CACNG7: variants seen among roughly 807,000 people sequenced by gnomAD.
CACNG7 encodes voltage-dependent calcium channel gamma-7 subunit.
CACNG7 carries 9 observed loss-of-function variants against 26.3 expected under a neutral mutation model. The ratio of observed to expected loss-of-function variants is 0.34; its 90% CI spans 0.21 to 0.60. The LOEUF (loss-of-function observed/expected upper bound fraction) is 0.60. Among genes scored for constraint, CACNG7 ranks in the 20% least tolerant of loss-of-function variants. The pLI, the probability that CACNG7 is intolerant of heterozygous loss-of-function variation, is 0.81. For missense variants in CACNG7, 297 were observed against 380.4 expected, an observed-to-expected ratio of 0.78 and a Z score of 1.82; for synonymous variants, 170 against 157.0, an observed-to-expected ratio of 1.08 and a Z score of -0.62.
Position 53,942,552 on chromosome 19 carries a change from C to A in CACNG7, c.*259C>A. The A allele has an allele frequency of 7.2e-7, 1 of 1,382,258 alleles. No homozygotes were observed. The highest frequency in any genetic ancestry group is 9.3e-7 in the Non-Finnish European group (1 of 1,071,346). 85.6% of individuals were successfully genotyped at this position (1,382,258 alleles called of 1,614,324 possible). A position where few individuals can be genotyped will look rare whatever the true frequency, so the allele number is the denominator to read the frequency against. On this transcript the variant is annotated 3_prime_UTR_variant, in exon 6 of 6. Coordinates refer to ENST00000391767, the MANE Select transcript of CACNG7 (RefSeq NM_031896.5). This position sits in a 1 kb window ranked among gnomAD's most constrained non-coding sequence, Gnocchi z 5.9. Reference sequence around the variant, plus strand: ...TGACTCCTCCCCTTCGTTGGCCCGCCCCTTTCCTCTGGCCCCTCCTCTCCA... The same window carrying A: ...TGACTCCTCCCCTTCGTTGGCCCGCACCTTTCCTCTGGCCCCTCCTCTCCA...
intron 4 of CACNG7, among the ~76,000 whole-genome samples, chr19:53,929,647 G>A (rs2069058153): frequency 6.6e-6 from 1 of 152,002 alleles, no homozygotes; most frequent in Non-Finnish European, 1.5e-5. Flanking sequence ...AGTAGACAGA[G>A]GGTTTCACCA....
intron 4 of CACNG7, among the ~76,000 whole-genome samples, chr19:53,936,631 C>A (rs190374841): frequency 6.6e-6 from 1 of 152,056 alleles, no homozygotes; most frequent in African/African-American, 2.4e-5. Flanking sequence ...TTTTTTGAGA[C>A]GGAGTCTCAC....
At chr19:53,919,863 G>C (rs1372136473) in intron 4 of CACNG7, among the ~76,000 whole-genome samples, 2 of 142,152 alleles carry the variant, frequency 1.4e-5, no homozygotes, top group East Asian at 4.3e-4. Flanking sequence ...CTGGTCATTG[G>C]TGGACTTGCC....
chr19:53,914,278 A>AAAAAAAG (rs1568769952), intron 2 of CACNG7, among the ~76,000 whole-genome samples: 1 of 138,892 alleles, frequency 7.2e-6, no homozygotes, highest in East Asian at 2.0e-4. Flanking sequence ...CATCTCAAAA[A>AAAAAAAG]AAAAAAAAAG....
intron 4 of CACNG7, among the ~76,000 whole-genome samples, chr19:53,923,954 C>T (rs2068994401): frequency 7.6e-6 from 1 of 131,772 alleles, no homozygotes; most frequent in African/African-American, 3.1e-5. Flanking sequence ...GTGGAGTTGT[C>T]CCCAGGTCTG....
rs905222851 is a variant in CACNG7, at chr19:53,909,550, A to C, written c.-30+33A>C. On this transcript the variant is annotated intron_variant, in intron 1 of 5. Transcript: ENST00000391767. This position sits in a 1 kb window ranked among gnomAD's most constrained non-coding sequence, Gnocchi z 5.1. ...CTAGCGGAGGGTCCTGGGAGGAAGA[A>C]GGGGCGCCCCTCGAGGTGGCTGCGA... The C allele has an allele frequency of 6.6e-6, 1 of 152,498 alleles. No individual in the cohort carries two copies. The highest frequency in any genetic ancestry group is 1.5e-5 in the Non-Finnish European group (1 of 68,242). The allele number at this position is 152,498 out of a possible 1,614,324, so 9.4% of individuals were successfully genotyped here.
intron 4 of CACNG7, among the ~76,000 whole-genome samples, chr19:53,935,933 G>A (rs1261661752): frequency 2.6e-5 from 4 of 151,932 alleles, no homozygotes; most frequent in Admixed American, 2.0e-4. Flanking sequence ...GAACCACCAC[G>A]CCTGGCCTAA....
intron 4 of CACNG7, among the ~76,000 whole-genome samples, chr19:53,922,883 GCTGGTCATTGGTGGAGTTGCCCCAGGC>G (rs1373058192): frequency 2.7e-4 from 20 of 74,394 alleles, no homozygotes; most frequent in African/African-American, 5.6e-4. Context: ...GTTGACTCAG[GCTGGTCATTGGTGGAGTTGCCCCAGGC>G]CTGGTCATTG....
At chr19:53,930,766 A>G (rs757288269) in intron 4 of CACNG7, among the ~76,000 whole-genome samples, 13 of 152,066 alleles carry the variant, frequency 8.5e-5, no homozygotes, top group Non-Finnish European at 1.8e-4. Context: ...CAGCCTCCCA[A>G]AGTGTTGGGA....
chr19:53,924,238 G>C (rs1169176921), intron 4 of CACNG7, among the ~76,000 whole-genome samples: 1 of 149,354 alleles, frequency 6.7e-6, no homozygotes, highest in Non-Finnish European at 1.5e-5. Flanking sequence ...CCCCAGGTCT[G>C]GTCATTGGTG....
intron 4 of CACNG7, among the ~76,000 whole-genome samples, chr19:53,916,912 C>G (rs555927909): frequency 6.6e-6 from 1 of 151,848 alleles, no homozygotes; most frequent in South Asian, 2.1e-4. Context: ...ATTCTCCTGT[C>G]TCACCTTCCC....
chr19:53,943,447 GCA>G lies in CACNG7; in HGVS notation c.*1157_*1158del, dbSNP rs1381578104. ...TTATTAGGGAAAGAGGGGCGAGGTA[GCA>G]CAGTGCTGTACACGGAACCAGAATG... is the stretch of plus-strand genomic sequence containing the variant. On this transcript the variant is annotated 3_prime_UTR_variant, in exon 6 of 6. Transcript: ENST00000391767. 2.1e-5 allele frequency: 3 copies of G among 145,124 alleles called. No homozygotes were observed. In the East Asian group the frequency reaches 6.7e-4, roughly 32 times the overall value. 9.0% of individuals were successfully genotyped at this position (145,124 alleles called of 1,614,324 possible). A position where few individuals can be genotyped will look rare whatever the true frequency, so the allele number is the denominator to read the frequency against.
intron 4 of CACNG7, among the ~76,000 whole-genome samples, chr19:53,932,056 C>T (rs183712971): frequency 0.012 from 1,805 of 151,282 alleles, 41 homozygotes; most frequent in African/African-American, 0.041. Context: ...CCACTGTGCC[C>T]GGCCAGCACT....
intron 3 of CACNG7, among the ~76,000 whole-genome samples, chr19:53,915,014 AAATAAAT>A (rs1462452558): frequency 6.8e-6 from 1 of 147,616 alleles, no homozygotes; most frequent in African/African-American, 2.5e-5. Context: ...TCAAAAAAAA[AAATAAAT>A]AAAAGGAAGG....
chr19:53,926,984 A>G (rs2069035890), intron 4 of CACNG7, among the ~76,000 whole-genome samples: 2 of 151,886 alleles, frequency 1.3e-5, no homozygotes, highest in South Asian at 2.1e-4. Flanking sequence ...TTTTTGAGAC[A>G]GAGTCTTGCT....
intron 4 of CACNG7, among the ~76,000 whole-genome samples, chr19:53,923,671 T>C (rs868190277): frequency 6.2e-3 from 878 of 141,010 alleles, no homozygotes; most frequent in African/African-American, 0.023. Context: ...GGTCTGGTCA[T>C]TGGTGGAGTT....
Position 53,941,633 on chromosome 19 carries a change from T to C in CACNG7, c.570+18T>C, listed in dbSNP as rs746925804. On this transcript the variant is annotated intron_variant, in intron 5 of 5. Transcript: ENST00000391767. ...TCAAAGAGGTGACGTCCGTGGGACC[T>C]AGACTCTAGAGTTCTGAATGGAGAG... The C allele has an allele frequency of 2.5e-6, 4 of 1,608,244 alleles. No individual in the cohort carries two copies. The Admixed American group carries it at 5.2e-5, about 21-fold the overall frequency.
chr19:53,934,981 GTCTC>G (rs1030502260), intron 4 of CACNG7, among the ~76,000 whole-genome samples: 4 of 151,018 alleles, frequency 2.6e-5, no homozygotes, highest in African/African-American at 9.8e-5. Context: ...TTGCCTTTCT[GTCTC>G]TCTCTCTCTC....
chr19:53,936,414 G>A (rs1307264496), intron 4 of CACNG7, among the ~76,000 whole-genome samples: 2 of 152,164 alleles, frequency 1.3e-5, no homozygotes, highest in Non-Finnish European at 2.9e-5. Flanking sequence ...CTGTCATCCA[G>A]CAATCGAGCA....
Sources: gnomAD v4.1 joint callset for allele counts (sites outside exome capture counted in the v4.1 genomes callset) on GRCh38, gnomAD v4.1.1 for gene constraint, Gnocchi (gnomAD v3.1) non-coding constraint, MANE v1.5 for transcripts, NCBI Gene and HGNC (gene_info 2026-07-23, HGNC 2026-07-21) for gene names.